Variants in DPP10 observed in about 807,000 individuals in gnomAD.
DPP10 encodes inactive dipeptidyl peptidase 10.
A neutral mutation model predicts 120.9 loss-of-function variants in DPP10; 33 were observed. That is an observed-to-expected ratio of 0.27 (90% CI 0.21 to 0.37). The LOEUF (loss-of-function observed/expected upper bound fraction) is 0.37, where lower values mean the gene tolerates loss of function less well. Ranked by LOEUF, DPP10 falls within the 10% of genes least tolerant of loss-of-function variation. DPP10 has a pLI of 1.00. For synonymous variants in DPP10, 337 were observed against 326.1 expected (o/e 1.03, Z -0.36); for missense variants, 816 against 942.8 (o/e 0.87, Z 1.76).
intron 1 of DPP10, among the ~76,000 whole-genome samples, chr2:115,253,709 C>T (rs1247300073): frequency 6.6e-6 from 1 of 152,238 alleles, no homozygotes; most frequent in Non-Finnish European, 1.5e-5. Flanking sequence ...CACACTGCTG[C>T]AAGGGGTTGG....
chr2:115,704,399 T>A (rs1474292014), intron 7 of DPP10, among the ~76,000 whole-genome samples: 1 of 152,006 alleles, frequency 6.6e-6, no homozygotes, highest in African/African-American at 2.4e-5. Context: ...TATTTATTTA[T>A]GTTGTTATCT....
At chr2:114,768,380 C>G (rs749707243) in intron 1 of DPP10, among the ~76,000 whole-genome samples, 8 of 152,100 alleles carry the variant, frequency 5.3e-5, no homozygotes, top group Non-Finnish European at 8.8e-5. Context: ...ATATAACAGG[C>G]ATTATCCTTA....
At chr2:114,665,475 T>G (rs1697854868) in intron 1 of DPP10, among the ~76,000 whole-genome samples, 1 of 152,164 alleles carries the variant, frequency 6.6e-6, no homozygotes, top group South Asian at 2.1e-4. Flanking sequence ...AGCTGCTGTG[T>G]CCATTGCAGG....
At chr2:114,750,466 T>C (rs1273352650) in intron 1 of DPP10, among the ~76,000 whole-genome samples, 1 of 152,104 alleles carries the variant, frequency 6.6e-6, no homozygotes, top group Non-Finnish European at 1.5e-5. Context: ...CCCGAGTAGC[T>C]GGGACCACAG....
intron 1 of DPP10, among the ~76,000 whole-genome samples, chr2:115,067,762 C>T (rs1195157392): frequency 1.4e-5 from 2 of 145,316 alleles, no homozygotes; most frequent in Non-Finnish European, 3.0e-5. Context: ...ACTCGGGAGG[C>T]TGAGGCAGGA....
chr2:114,713,163 T>C (rs1468602191), intron 1 of DPP10, among the ~76,000 whole-genome samples: 3 of 152,068 alleles, frequency 2.0e-5, no homozygotes, highest in Non-Finnish European at 4.4e-5. Context: ...ATTTTTTGTA[T>C]TTTTAGTAGA....
At chr2:115,638,530 T>G (rs961215243) in intron 5 of DPP10, among the ~76,000 whole-genome samples, 2 of 152,236 alleles carry the variant, frequency 1.3e-5, no homozygotes, top group Non-Finnish European at 2.9e-5. Context: ...AAATGTCATG[T>G]AAAAGTTTTT....
At chr2:114,985,221 T>A (rs1700323026) in intron 1 of DPP10, among the ~76,000 whole-genome samples, 1 of 151,924 alleles carries the variant, frequency 6.6e-6, no homozygotes, top group African/African-American at 2.4e-5. Context: ...ACTTTGTACT[T>A]TTTTTTTCCT....
intron 13 of DPP10, among the ~76,000 whole-genome samples, chr2:115,771,199 C>T (rs1018658456): frequency 6.6e-6 from 1 of 151,880 alleles, no homozygotes; most frequent in African/African-American, 2.4e-5. Flanking sequence ...CTCAGCCTCC[C>T]GAGTAGCTGG....
chr2:114,993,365 T>TAATAC (rs1491171616), intron 1 of DPP10, among the ~76,000 whole-genome samples: 1 of 194 alleles, frequency 5.2e-3, no homozygotes, highest in Non-Finnish European at 9.1e-3. Context: ...TGAATAATAC[T>TAATAC]TTTTTTTTTT....
intron 2 of DPP10, among the ~76,000 whole-genome samples, chr2:115,312,263 C>T (rs2061609656): frequency 6.6e-6 from 1 of 152,080 alleles, no homozygotes; most frequent in African/African-American, 2.4e-5. Flanking sequence ...ACTCAATGCC[C>T]TCAAGTGCCT....
chr2:115,759,036 A>T (rs532126241), intron 11 of DPP10, among the ~76,000 whole-genome samples: 1 of 152,196 alleles, frequency 6.6e-6, no homozygotes, highest in Non-Finnish European at 1.5e-5. Flanking sequence ...ATCATTAATT[A>T]TGAAACAATA....
intron 1 of DPP10, among the ~76,000 whole-genome samples, chr2:115,088,799 A>G (rs910480264): frequency 1.3e-5 from 2 of 151,218 alleles, no homozygotes; most frequent in Non-Finnish European, 3.0e-5. Context: ...TTAAAACTAA[A>G]CAATTTTTTA....
intron 2 of DPP10, among the ~76,000 whole-genome samples, chr2:115,316,258 A>G (rs1197671956): frequency 3.9e-5 from 6 of 152,224 alleles, no homozygotes. Flanking sequence ...TCACACAACT[A>G]GAAGGCAGAG....
At chr2:114,725,044 A>G (rs10174349) in intron 1 of DPP10, among the ~76,000 whole-genome samples, 426 of 152,272 alleles carry the variant, frequency 2.8e-3, no homozygotes, top group African/African-American at 9.4e-3. Context: ...CTGTAAACCA[A>G]CAAAAATTCC....
chr2:114,903,080 T>C (rs953652084), intron 1 of DPP10, among the ~76,000 whole-genome samples: 3 of 152,230 alleles, frequency 2.0e-5, no homozygotes, highest in African/African-American at 7.2e-5. Flanking sequence ...GCTTCTTTCA[T>C]GTAGTAATAT....
At chr2:114,728,838 A>C (rs534812666) in intron 1 of DPP10, among the ~76,000 whole-genome samples, 196 of 152,352 alleles carry the variant, frequency 1.3e-3, no homozygotes, top group African/African-American at 4.6e-3. Context: ...AAAATCTGTT[A>C]GGTAGTAATG....
chr2:114,757,507 G>T (rs1476156661), intron 1 of DPP10, among the ~76,000 whole-genome samples: 1 of 152,164 alleles, frequency 6.6e-6, no homozygotes, highest in Non-Finnish European at 1.5e-5. Flanking sequence ...GCAGCTGAGG[G>T]TGTTCAGGTA....
At chr2:115,451,791 C>T (rs1000594969) in intron 3 of DPP10, among the ~76,000 whole-genome samples, 4 of 151,794 alleles carry the variant, frequency 2.6e-5, no homozygotes, top group African/African-American at 9.7e-5. Context: ...GTGAAATACT[C>T]ATGTTTTTAT....
Sources: allele counts gnomAD v4.1 joint callset (sites outside exome capture counted in the v4.1 genomes callset), GRCh38; gene constraint gnomAD v4.1.1; transcripts MANE v1.5; gene names NCBI Gene and HGNC (gene_info 2026-07-23, HGNC 2026-07-21).